INPP4A: variants seen among roughly 807,000 people sequenced by gnomAD.
INPP4A encodes the protein inositol polyphosphate-4-phosphatase, type I, 107kD.
In INPP4A, 33 loss-of-function variants were observed where a neutral mutation model predicts 119.8. The observed-to-expected ratio is 0.28, with a 90% CI of 0.21 to 0.37. INPP4A has a LOEUF of 0.37. INPP4A is among the 10% of genes least tolerant of loss of function. The pLI is 1.00. For missense variants in INPP4A, 956 were observed against 1,289.9 expected (o/e 0.74, Z 3.97); for synonymous variants, 496 against 500.7 (o/e 0.99, Z 0.12).
At chr2:98,467,599 C>A (rs889421463) in intron 1 of INPP4A, among the ~76,000 whole-genome samples, 1 of 152,194 alleles carries the variant, frequency 6.6e-6, no homozygotes, top group African/African-American at 2.4e-5. Context: ...TCTCAGCCTC[C>A]ATGGATTTAA....
rs1238321245 is a variant in INPP4A at position 98,570,168 on chromosome 2, G to A, written c.2518+1500G>A. ...CAGGGCTACAGGGGACCGACAGCGA[G>A]TGCAGCACTGGCCCCAGCTGAGCTG... On this transcript the variant is annotated intron_variant, in intron 22 of 24. Coordinates refer to ENST00000409851, the MANE Select transcript of INPP4A (RefSeq NM_001134225.2). The surrounding 1 kb of genome is among the most constrained non-coding windows in gnomAD (Gnocchi z 4.3). Among the ~76,000 whole-genome samples, 1 of 152,222 alleles carries A rather than the reference G, an allele frequency of 6.6e-6. No individual in the cohort carries two copies. The highest frequency in any genetic ancestry group is 2.4e-5 in the African/African-American group (1 of 41,460).
chr2:98,549,316 C>G (rs1172072627), intron 13 of INPP4A, among the ~76,000 whole-genome samples: 1 of 152,150 alleles, frequency 6.6e-6, no homozygotes, highest in Non-Finnish European at 1.5e-5. Flanking sequence ...CTGGGAACTC[C>G]TGTCTTCTTA....
intron 1 of INPP4A, among the ~76,000 whole-genome samples, chr2:98,515,910 C>T (rs1005035889): frequency 4.6e-5 from 7 of 152,244 alleles, no homozygotes; most frequent in African/African-American, 1.4e-4. Context: ...TCAGGGTTTA[C>T]TGTCCACTTG....
At chr2:98,567,059 G>A (rs570597299) in intron 21 of INPP4A, among the ~76,000 whole-genome samples, 259 of 152,324 alleles carry the variant, frequency 1.7e-3, no homozygotes, top group African/African-American at 6.0e-3. Flanking sequence ...ATTGCTGGGA[G>A]ACACTGAAGA....
intron 1 of INPP4A, among the ~76,000 whole-genome samples, chr2:98,488,121 C>G (rs1339006991): frequency 1.3e-5 from 2 of 152,170 alleles, no homozygotes; most frequent in South Asian, 2.1e-4. Flanking sequence ...TCAGTTAGCT[C>G]GTGTTCCTCT....
intron 24 of INPP4A, among the ~76,000 whole-genome samples, chr2:98,578,557 G>C (rs1698795186): frequency 6.6e-6 from 1 of 152,214 alleles, no homozygotes; most frequent in Non-Finnish European, 1.5e-5. Context: ...CAGGAGACCA[G>C]TGACAAAGTG....
In INPP4A at chr2:98,545,362, A is replaced by G. The variant is rs143423007; in HGVS notation, c.950-607A>G. Among the ~76,000 whole-genome samples the G allele has an allele frequency of 4.6e-3, 704 of 152,320 alleles. 4 individuals are homozygous for G. Among genetic ancestry groups the G allele is most frequent in the Non-Finnish European group, 6.5e-3 (443 of 68,024 alleles). On this transcript the variant is annotated intron_variant, in intron 11 of 24. Coordinates refer to ENST00000409851, the MANE Select transcript of INPP4A (RefSeq NM_001134225.2). ...CAAGATTGTGCATATTTGTTATAAA[A>G]TAGCGTCCAGGCTCCTTAACCAACC...
intron 1 of INPP4A, among the ~76,000 whole-genome samples, chr2:98,488,300 T>C (rs1216905564): frequency 6.6e-6 from 1 of 152,180 alleles, no homozygotes; most frequent in African/African-American, 2.4e-5. Context: ...AATCAAGATA[T>C]GGGTGCCAAG....
chr2:98,481,571 A>C (rs986990916), intron 1 of INPP4A, among the ~76,000 whole-genome samples: 1 of 152,238 alleles, frequency 6.6e-6, no homozygotes, highest in African/African-American at 2.4e-5. Flanking sequence ...ATTCAGTGAC[A>C]GAATTCTCTA....
chr2:98,474,284 GCCTTCC>G (rs1472105210), intron 1 of INPP4A, among the ~76,000 whole-genome samples: 1 of 152,236 alleles, frequency 6.6e-6, no homozygotes, highest in Non-Finnish European at 1.5e-5. Context: ...GCCACCCGCA[GCCTTCC>G]CAGTGCTTGG....
intron 24 of INPP4A, chr2:98,581,938 C>A: frequency 2.0e-6 from 2 of 1,008,506 alleles, no homozygotes; most frequent in Non-Finnish European, 2.7e-6. Context: ...ATTATTTCAC[C>A]AAGAAGACTT....
At chr2:98,580,497 C>A (rs541101099) in intron 24 of INPP4A, among the ~76,000 whole-genome samples, 2 of 152,248 alleles carry the variant, frequency 1.3e-5, no homozygotes, top group Non-Finnish European at 1.5e-5. Context: ...GTGTTCCTGT[C>A]CCCAGTCCTG....
rs1200212580 is a variant in INPP4A at position 98,499,399 on chromosome 2, C to T, written c.-165-19565C>T. On this transcript the variant is annotated intron_variant, in intron 1 of 24. Transcript: ENST00000409851. Reference sequence around the variant, plus strand: ...TTGCAGCTTCCCTGTAGAAACCTTTCCTCACTACATGGTTTAATCCTCTCA... The same window carrying T: ...TTGCAGCTTCCCTGTAGAAACCTTTTCTCACTACATGGTTTAATCCTCTCA... 3.3e-5 allele frequency among the ~76,000 whole-genome samples: 5 copies of T among 152,350 alleles called. No individual in the cohort carries two copies. The East Asian group carries it at 9.6e-4, about 29-fold the overall frequency.
In INPP4A at chr2:98,569,178, C is replaced by T. The variant is rs1332842517; in HGVS notation, c.2518+510C>T. On this transcript the variant is annotated intron_variant, in intron 22 of 24. Transcript: ENST00000409851. The surrounding 1 kb of genome is among the most constrained non-coding windows in gnomAD (Gnocchi z 5.1). ...TGCAGTGAAGATGCTGCAGCTAGGG[C>T]TCTGCAGCCACAGAACTAAGGGAGG... 1 of 157,972 alleles carries T rather than the reference C, an allele frequency of 6.3e-6. No individual in the cohort carries two copies. Among genetic ancestry groups the T allele is most frequent in the African/African-American group, 2.4e-5 (1 of 41,614 alleles). 9.8% of individuals were successfully genotyped at this position (157,972 alleles called of 1,614,324 possible).
chr2:98,556,786 C>T (rs904802308), intron 16 of INPP4A, among the ~76,000 whole-genome samples: 1 of 152,204 alleles, frequency 6.6e-6, no homozygotes, highest in Admixed American at 6.5e-5. Flanking sequence ...CCCTTTGCCT[C>T]TTTACTCTGC....
chr2:98,464,381 A>G (rs1487829703), intron 1 of INPP4A, among the ~76,000 whole-genome samples: 1 of 152,028 alleles, frequency 6.6e-6, no homozygotes, highest in African/African-American at 2.4e-5. Context: ...GACACTTGGG[A>G]CTCGCTCCTC....
chr2:98,498,181 A>G (rs1347012026), intron 1 of INPP4A, among the ~76,000 whole-genome samples: 2 of 152,122 alleles, frequency 1.3e-5, no homozygotes, highest in South Asian at 4.1e-4. Context: ...CCCAGATCTC[A>G]TGTTGAATTG....
chr2:98,509,099 T>C (rs942652020), intron 1 of INPP4A, among the ~76,000 whole-genome samples: 2 of 152,214 alleles, frequency 1.3e-5, no homozygotes, highest in African/African-American at 4.8e-5. Context: ...TCAGGTTGTC[T>C]ACCATTCATC....
At chr2:98,520,620 G>A (rs1014446654) in intron 3 of INPP4A, 67 bp from the exon 4 acceptor site, 4 of 947,270 alleles carry the variant, frequency 4.2e-6, no homozygotes, top group African/African-American at 1.7e-5. Flanking sequence ...GGTCATTTGT[G>A]CATTTAATCT....
Sources: allele counts gnomAD v4.1 joint callset (sites outside exome capture counted in the v4.1 genomes callset), GRCh38; gene constraint gnomAD v4.1.1; non-coding constraint Gnocchi (gnomAD v3.1); transcripts MANE v1.5; gene names NCBI Gene and HGNC (gene_info 2026-07-23, HGNC 2026-07-21).